The following GPN2 variants were observed in gnomAD, a reference collection of about 807,000 sequenced individuals.
GPN2 encodes GPN-loop GTPase 2.
Under a neutral mutation model 30.1 loss-of-function variants are expected in GPN2, and 27 were observed. The ratio of observed to expected loss-of-function variants is 0.90; its 90% confidence interval spans 0.66 to 1.24. The LOEUF is 1.24. Among genes scored for constraint, GPN2 ranks in the 50% most tolerant of loss-of-function variants. The pLI, the probability that GPN2 is intolerant of heterozygous loss-of-function variation, is 0.00. For missense variants in GPN2, 406 were observed against 405.4 expected, an observed-to-expected ratio of 1.00 and a Z score of -0.01; for synonymous variants, 212 against 174.4, an observed-to-expected ratio of 1.22 and a Z score of -1.70.
At chr1:26,884,381 C>T (rs2081880595) in intron 3 of GPN2, 91 bp from the exon 4 acceptor site, 1 of 1,336,456 alleles carries the variant, frequency 7.5e-7, no homozygotes, top group South Asian at 1.5e-5. Context: ...TCCATCTTGC[C>T]TCTGTACCTG....
In GPN2 at chr1:26,877,312, C is replaced by A. The variant is rs1261431517; in HGVS notation, c.*2365G>T. 1 of 152,228 alleles carries A rather than the reference C, an allele frequency of 6.6e-6. No homozygotes were observed. Among genetic ancestry groups the A allele is most frequent in the East Asian group, 1.9e-4 (1 of 5,202 alleles). 9.4% of individuals were successfully genotyped at this position (152,228 alleles called of 1,614,324 possible). The stretch of plus-strand genomic sequence containing the variant: ...TCCAGCCACAGTAGCCTCCTCATAG[C>A]CCCTCATTCATCTGCCTTTGGCTCT... On this transcript the variant is annotated 3_prime_UTR_variant, in exon 5 of 5. Transcript: ENST00000374135.
At chr1:26,887,797 G>A (rs187179089) in intron 2 of GPN2, among the ~76,000 whole-genome samples, 2 of 151,864 alleles carry the variant, frequency 1.3e-5, no homozygotes, top group East Asian at 1.9e-4. Context: ...TCCTGACCTC[G>A]TGATCCACCT....
Position 26,878,579 on chromosome 1 carries a change from C to G in GPN2, c.*1098G>C, listed in dbSNP as rs2081850105. ...TACAGGCATGAGTGAACACGCCCAG[C>G]CTTGTATTTCATTTTTGAAGTACAC... On this transcript the variant is annotated 3_prime_UTR_variant, in exon 5 of 5. Transcript: ENST00000374135. The G allele has an allele frequency of 6.6e-6, 1 of 151,870 alleles. No homozygotes were observed. Among genetic ancestry groups the G allele is most frequent in the Non-Finnish European group, 1.5e-5 (1 of 68,008 alleles). The allele number at this position is 151,870 out of a possible 1,614,324, so 9.4% of individuals were successfully genotyped here.
At chr1:26,888,765 C>T (rs1049213152) in intron 2 of GPN2, 8 of 633,784 alleles carry the variant, frequency 1.3e-5, no homozygotes, top group East Asian at 2.6e-5. Flanking sequence ...ACACCTAACA[C>T]CATCTGTAGC....
rs187726187 is a variant in GPN2 at position 26,879,954 on chromosome 1, G to A, written c.861-205C>T. Among the ~76,000 whole-genome samples the A allele has an allele frequency of 3.3e-5, 5 of 152,276 alleles. No homozygotes were observed. The East Asian group carries it at 5.8e-4, about 18-fold the overall frequency. ...ATCTGCCTCTTCCACACACTGCTGC[G>A]GATCAAAGGACTGGACAGTACTAAC... On this transcript the variant is annotated intron_variant, in intron 4 of 4. Transcript: ENST00000374135.
In GPN2 at chr1:26,889,960, T is replaced by C. The variant is rs1047719613; in HGVS notation, c.137A>G (p.Asp46Gly). The C allele has an allele frequency of 1.2e-6, 2 of 1,605,812 alleles. No homozygotes were observed. The highest frequency in any genetic ancestry group is 1.7e-6 in the Non-Finnish European group (2 of 1,179,260). ...LGRRVAVVNL[D>G]PANEGLPYEC... ...GTACGGCAGCCCCTCGTTGGCCGGG[T>C]CCAGGTTCACCACCGCCACGCGCCG... is the stretch of plus-strand genomic sequence containing the variant. The change falls in exon 1 of 5, where the codon GAC (aspartate) becomes GGC (glycine). Residue 46 changes from aspartate (D) to glycine (G), a missense_variant. Asp to Gly is a moderately conservative substitution (Grantham distance 94, BLOSUM62 -1). Transcript: ENST00000374135.
In GPN2 at chr1:26,879,465, G is replaced by A; in HGVS notation, c.*212C>T. The A allele has an allele frequency of 1.8e-6, 1 of 568,750 alleles. No homozygotes were observed. Among genetic ancestry groups the A allele is most frequent in the South Asian group, 2.1e-5 (1 of 47,094 alleles). The allele number at this position is 568,750 out of a possible 1,614,324, so 35.2% of individuals were successfully genotyped here. A position where few individuals can be genotyped will look rare whatever the true frequency, so the allele number is the denominator to read the frequency against. On this transcript the variant is annotated 3_prime_UTR_variant, in exon 5 of 5. Transcript: ENST00000374135. ...CGACTTTCTGGTGGCAGGGCCCAGA[G>A]CTCACGGACACCACTGACAGTATGG... is the stretch of plus-strand genomic sequence containing the variant.
rs371746920 is a variant in GPN2, at chr1:26,886,762, G to A, written c.569-629C>T. On this transcript the variant is annotated intron_variant, in intron 2 of 4. Transcript: ENST00000374135. The stretch of plus-strand genomic sequence containing the variant: ...GAACCCAGGAGGGGGAGCTTGCAGT[G>A]AGCCGAGATCGCGCCACTGCACTCC... Among the ~76,000 whole-genome samples, 5 of 151,994 alleles carry A rather than the reference G, an allele frequency of 3.3e-5. No homozygotes were observed. The East Asian group carries it at 9.7e-4, about 29-fold the overall frequency.
chr1:26,884,330 G>C (rs1261149809), intron 3 of GPN2, 40 bp from the exon 4 acceptor site: 1 of 1,582,656 alleles, frequency 6.3e-7, no homozygotes, highest in Admixed American at 1.9e-5. Flanking sequence ...GAGTGAAACA[G>C]AAGTATGTAA....
chr1:26,888,826 T>A, intron 2 of GPN2, 143 bp downstream of exon 2: 1 of 752,486 alleles, frequency 1.3e-6, no homozygotes, highest in Non-Finnish European at 2.3e-6. Context: ...TGGCACAAAA[T>A]AAATGGGCAG....
At chr1:26,885,904 A>G in intron 3 of GPN2, 69 bp downstream of exon 3, 1 of 1,281,790 alleles carries the variant, frequency 7.8e-7, no homozygotes, top group Non-Finnish European at 1.1e-6. Context: ...TTAAGCCCTC[A>G]AAGCTTCCTG....
At chr1:26,887,687 G>A (rs2081897777) in intron 2 of GPN2, among the ~76,000 whole-genome samples, 1 of 151,440 alleles carries the variant, frequency 6.6e-6, no homozygotes. Context: ...TCAGCCTCCT[G>A]AGTAGCTGGG....
At chr1:26,888,241 C>A (rs2081901692) in intron 2 of GPN2, among the ~76,000 whole-genome samples, 1 of 152,068 alleles carries the variant, frequency 6.6e-6, no homozygotes, top group Non-Finnish European at 1.5e-5. Flanking sequence ...CCTGCTTCTA[C>A]CTCAATCTTC....
chr1:26,880,382 G>A (rs1162434875), intron 4 of GPN2, among the ~76,000 whole-genome samples: 5 of 151,964 alleles, frequency 3.3e-5, no homozygotes, highest in Admixed American at 2.0e-4. Context: ...GCGCGATCTC[G>A]GCTCACCGCA....
chr1:26,876,934 TGA>T lies in GPN2; in HGVS notation c.*2741_*2742del, dbSNP rs2081840136. 1 of 151,270 alleles carries T rather than the reference TGA, an allele frequency of 6.6e-6. No individual in the cohort carries two copies. The highest frequency in any genetic ancestry group is 1.5e-5 in the Non-Finnish European group (1 of 67,966). The allele number at this position is 151,270 out of a possible 1,614,324, so 9.4% of individuals were successfully genotyped here. A position where few individuals can be genotyped will look rare whatever the true frequency, so the allele number is the denominator to read the frequency against. On this transcript the variant is annotated 3_prime_UTR_variant, in exon 5 of 5. Coordinates refer to ENST00000374135, the MANE Select transcript of GPN2 (RefSeq NM_018066.4). ...CCAGCCCCCATTTGGTTTGTTATGGTGAGAGCTGGGGCCTCTGTGAGTGGCAA... is the reference window on the plus strand; with the variant it reads ...CCAGCCCCCATTTGGTTTGTTATGGTGAGCTGGGGCCTCTGTGAGTGGCAA...
At chr1:26,883,804 A>G (rs1268019096) in intron 4 of GPN2, among the ~76,000 whole-genome samples, 2 of 151,058 alleles carry the variant, frequency 1.3e-5, no homozygotes, top group African/African-American at 4.9e-5. Flanking sequence ...AAAAAGAAAA[A>G]AGAAATTGGG....
intron 3 of GPN2, among the ~76,000 whole-genome samples, chr1:26,885,686 T>C (rs912198643): frequency 6.6e-6 from 1 of 151,610 alleles, no homozygotes; most frequent in African/African-American, 2.4e-5. Flanking sequence ...TTCACGCCAT[T>C]CTCCTGCCTC....
rs1366971589 is a variant in GPN2 at position 26,878,915 on chromosome 1, A to G, written c.*762T>C. 2.0e-5 allele frequency: 3 copies of G among 152,244 alleles called. No individual in the cohort carries two copies. The highest frequency in any genetic ancestry group is 7.2e-5 in the African/African-American group (3 of 41,464). The allele number at this position is 152,244 out of a possible 1,614,324, so 9.4% of individuals were successfully genotyped here. ...CCAGCCTTGAAGTAAACTTTTAACCACTACTGTAAATGGAAAACTAGTTAA... is the reference window on the plus strand; with the variant it reads ...CCAGCCTTGAAGTAAACTTTTAACCGCTACTGTAAATGGAAAACTAGTTAA... On this transcript the variant is annotated 3_prime_UTR_variant, in exon 5 of 5. Coordinates refer to ENST00000374135, the MANE Select transcript of GPN2 (RefSeq NM_018066.4).
rs145723853 is a variant in GPN2 at position 26,876,146 on chromosome 1, G to A, written c.*3531C>T. 6.6e-6 allele frequency: 1 copy of A among 151,352 alleles called. No homozygotes were observed. The highest frequency in any genetic ancestry group is 2.4e-5 in the African/African-American group (1 of 41,240). 9.4% of individuals were successfully genotyped at this position (151,352 alleles called of 1,614,324 possible). On this transcript the variant is annotated 3_prime_UTR_variant, in exon 5 of 5. Transcript: ENST00000374135. ...TACACAAAATATACATTTGAATATA[G>A]AATTTATTTTTCTCTTAAACAGATG... is the stretch of plus-strand genomic sequence containing the variant.
Sources: allele counts gnomAD v4.1 joint callset (sites outside exome capture counted in the v4.1 genomes callset), GRCh38; gene constraint gnomAD v4.1.1; transcripts MANE v1.5; gene names NCBI Gene and HGNC (gene_info 2026-07-23, HGNC 2026-07-21).